The following SDHA variants were observed in gnomAD, a reference collection of about 807,000 sequenced individuals.
SDHA encodes the protein succinate dehydrogenase [ubiquinone] flavoprotein subunit, mitochondrial.
In SDHA, 48 loss-of-function variants were observed where a neutral mutation model predicts 78.4. The observed-to-expected ratio is 0.61, with a 90% CI of 0.49 to 0.78. SDHA has a LOEUF of 0.78. SDHA is among the 30% of genes least tolerant of loss of function. SDHA has a pLI of 0.00. For missense variants in SDHA, 680 were observed against 892.7 expected, an observed-to-expected ratio of 0.76 and a Z score of 3.04; for synonymous variants, 326 against 353.9, an observed-to-expected ratio of 0.92 and a Z score of 0.88.
Position 235,326 on chromosome 5 carries a change from A to G in SDHA, c.1247A>G (p.Asn416Ser), listed in dbSNP as rs1409603646. 1 of 1,614,178 alleles carries G rather than the reference A, an allele frequency of 6.2e-7. No individual in the cohort carries two copies. Among genetic ancestry groups the G allele is most frequent in the East Asian group, 2.2e-5 (1 of 44,884 alleles). ...VHYNMGGIPT[N>S]YKGQVLRHVN... ...TATAACATGGGCGGCATTCCCACCAACTACAAGGGGCAGGTGATGGTGCTG... is the reference window on the plus strand; with the variant it reads ...TATAACATGGGCGGCATTCCCACCAGCTACAAGGGGCAGGTGATGGTGCTG... Residue 416 changes from asparagine to serine, a missense_variant, in exon 9 of 15, where the codon AAC becomes AGC. By Grantham distance (46) the Asn-to-Ser change is conservative. Transcript: ENST00000264932.
At chr5:234,915 T>C (rs1302215940) in intron 8 of SDHA, 1 of 594,752 alleles carries the variant, frequency 1.7e-6, no homozygotes. Context: ...GTGAGTTTAG[T>C]GAGGGCAGAG....
At chr5:266,167 A>C in the SDHA span, among the ~76,000 whole-genome samples, 2 of 152,250 alleles carry the variant, frequency 1.3e-5, no homozygotes, top group African/African-American at 4.8e-5. Flanking sequence ...TGGTCCAATA[A>C]ATGAAGGAAA....
At chr5:223,771 A>T (rs571382327) in intron 2 of SDHA, among the ~76,000 whole-genome samples, 21 of 149,910 alleles carry the variant, frequency 1.4e-4, no homozygotes, top group African/African-American at 5.3e-4. Flanking sequence ...TTTTACTTGT[A>T]TCTGTTATGT....
chr5:222,388 C>A (rs1331253709), intron 1 of SDHA, among the ~76,000 whole-genome samples: 1 of 143,278 alleles, frequency 7.0e-6, no homozygotes, highest in African/African-American at 2.7e-5. Flanking sequence ...CTCTCTGTTG[C>A]CGAGGCCGGA....
chr5:239,000 T>C (rs1413458523), intron 10 of SDHA, among the ~76,000 whole-genome samples: 3 of 151,452 alleles, frequency 2.0e-5, no homozygotes, highest in Admixed American at 1.3e-4. Context: ...ACTGTCCACC[T>C]AAAGAAAAAA....
chr5:236,546 T>C lies in SDHA; in HGVS notation c.1379T>C (p.Leu460Pro). 6.2e-7 allele frequency: 1 copy of C among 1,614,062 alleles called. No homozygotes were observed. The highest frequency in any genetic ancestry group is 8.5e-7 in the Non-Finnish European group (1 of 1,179,880). Residue 460 changes from leucine to proline, a missense_variant, in exon 10 of 15, where the codon CTG becomes CCG. By Grantham distance (98) the Leu-to-Pro change is moderately conservative. Transcript: ENST00000264932. ...NRLGANSLLD[L>P]VVFGRACALS... Reference sequence around the variant, plus strand: ...CTCGGGGCAAACTCGCTCTTGGACCTGGTTGTCTTTGGTCGGGCATGTGCC... The same window carrying C: ...CTCGGGGCAAACTCGCTCTTGGACCCGGTTGTCTTTGGTCGGGCATGTGCC...
At chr5:254,117 G>A (rs1737026303) in intron 13 of SDHA, among the ~76,000 whole-genome samples, 2 of 148,168 alleles carry the variant, frequency 1.3e-5, no homozygotes, top group African/African-American at 2.5e-5. Flanking sequence ...GGAGCAAAAA[G>A]ACAAAGTATT....
intron 9 of SDHA, chr5:235,839 G>A: frequency 3.8e-6 from 1 of 262,352 alleles, no homozygotes; most frequent in Non-Finnish European, 7.5e-6. Flanking sequence ...AGCACAGGTG[G>A]TGAGGGCCCC....
intron 11 of SDHA, 138 bp downstream of exon 11, chr5:240,614 G>C: frequency 1.4e-6 from 1 of 700,810 alleles, no homozygotes; most frequent in Middle Eastern, 4.0e-4. Context: ...GTGGAGTCTG[G>C]GCTTTTCATG....
At chr5:220,288 A>G (rs1179095012) in intron 1 of SDHA, 1 of 452,204 alleles carries the variant, frequency 2.2e-6, no homozygotes, top group African/African-American at 2.1e-5. Context: ...AATCAGAGGA[A>G]AAAGAAAACC....
intron 9 of SDHA, chr5:236,106 C>T (rs6873844): frequency 0.053 from 20,691 of 391,052 alleles, 3,556 homozygotes; most frequent in African/African-American, 0.38. Context: ...CTCACTGCAA[C>T]CTCTGCCTCC....
At chr5:222,629 C>G (rs1309492871) in intron 1 of SDHA, among the ~76,000 whole-genome samples, 2 of 152,234 alleles carry the variant, frequency 1.3e-5, no homozygotes, top group East Asian at 3.9e-4. Context: ...CATGAGCCAC[C>G]GTGCCCAGCC....
At chr5:259,790 G>C (rs1204048433), downstream of SDHA, among the ~76,000 whole-genome samples, 5 of 31,648 alleles carry the variant, frequency 1.6e-4, no homozygotes, top group South Asian at 1.6e-3. Flanking sequence ...TCCGCCTCCC[G>C]CCAGAGCATT....
At chr5:265,956 T>C in the SDHA span, among the ~76,000 whole-genome samples, 2 of 150,974 alleles carry the variant, frequency 1.3e-5, no homozygotes, top group African/African-American at 2.5e-5. Flanking sequence ...GATCTTCCGA[T>C]TCAGTCCTGG....
chr5:264,632 G>A, the SDHA span, among the ~76,000 whole-genome samples: 1 of 152,212 alleles, frequency 6.6e-6, no homozygotes, highest in African/African-American at 2.4e-5. Context: ...GAGTGACCTG[G>A]GGCTGGCTGG....
chr5:262,800 G>A, the SDHA span, among the ~76,000 whole-genome samples: 1 of 152,198 alleles, frequency 6.6e-6, no homozygotes, highest in Admixed American at 6.5e-5. Flanking sequence ...TTAGGTTGGT[G>A]CAAAAGTAAT....
At chr5:247,955 CAG>C (rs2126623954) in intron 11 of SDHA, among the ~76,000 whole-genome samples, 1 of 152,170 alleles carries the variant, frequency 6.6e-6, no homozygotes, top group South Asian at 2.1e-4. Context: ...AGGGGGAAAA[CAG>C]GGACTACGGG....
At chr5:239,224 T>TAA (rs112333017) in intron 10 of SDHA, among the ~76,000 whole-genome samples, 35,608 of 150,942 alleles carry the variant, frequency 0.24, 6,292 homozygotes, top group African/African-American at 0.52. Context: ...TATAACGTTA[T>TAA]AAAAAAAACT....
At chr5:263,914 C>T in the SDHA span, among the ~76,000 whole-genome samples, 3 of 152,138 alleles carry the variant, frequency 2.0e-5, no homozygotes, top group Non-Finnish European at 4.4e-5. Flanking sequence ...TCTTTTCACG[C>T]CTAAATATGT....
Sources: gnomAD v4.1 joint callset for allele counts (sites outside exome capture counted in the v4.1 genomes callset) on GRCh38, gnomAD v4.1.1 for gene constraint, MANE v1.5 for transcripts, NCBI Gene and HGNC (gene_info 2026-07-23, HGNC 2026-07-21) for gene names.